Variants in TMC1 observed in about 807,000 individuals in gnomAD.
TMC1 encodes transmembrane channel-like protein 1.
A neutral mutation model predicts 105.8 loss-of-function variants in TMC1; 84 were observed. That is an observed-to-expected ratio of 0.79 (90% CI 0.67 to 0.95). TMC1 has a LOEUF of 0.95. TMC1 is among the 40% of genes least tolerant of loss of function. The probability of loss-of-function intolerance (pLI) is 0.00; values close to 1 mark genes in which losing one functional copy is unlikely to be tolerated. For synonymous variants in TMC1, 315 were observed against 311.5 expected, an observed-to-expected ratio of 1.01 and a Z score of -0.12; for missense variants, 817 against 914.1, an observed-to-expected ratio of 0.89 and a Z score of 1.37.
chr9:72,742,331 C>T (rs941174976), intron 9 of TMC1, 113 bp from the exon 10 acceptor site: 1 of 830,844 alleles, frequency 1.2e-6, no homozygotes, highest in Admixed American at 2.0e-5. Context: ...GTAGTATTTG[C>T]TGCCAGAGAG....
intron 8 of TMC1, among the ~76,000 whole-genome samples, chr9:72,736,880 A>G (rs1293107941): frequency 4.6e-5 from 7 of 152,218 alleles, no homozygotes; most frequent in Non-Finnish European, 1.0e-4. Flanking sequence ...TAGAAATATC[A>G]CTAGTGGCAC....
At chr9:72,694,749 A>T in intron 7 of TMC1, 35 bp downstream of exon 7, 1 of 1,576,090 alleles carries the variant, frequency 6.3e-7, no homozygotes, top group Non-Finnish European at 8.6e-7. Flanking sequence ...AAAAGTTCCA[A>T]TGCTGAAGAA....
intron 10 of TMC1, among the ~76,000 whole-genome samples, chr9:72,750,349 C>T (rs1288170150): frequency 2.0e-5 from 3 of 152,158 alleles, no homozygotes; most frequent in Admixed American, 6.5e-5. Context: ...CTGATGCAGC[C>T]AGGGACTGAA....
intron 10 of TMC1, among the ~76,000 whole-genome samples, chr9:72,744,090 G>C (rs1443833912): frequency 6.6e-6 from 1 of 152,118 alleles, no homozygotes. Context: ...GCTAACCCTC[G>C]GTTCCCTGTC....
At chr9:72,752,792 C>T (rs1827601859) in intron 11 of TMC1, among the ~76,000 whole-genome samples, 1 of 152,086 alleles carries the variant, frequency 6.6e-6, no homozygotes, top group South Asian at 2.1e-4. Context: ...TTTTGGGTGA[C>T]TTTTTATCCC....
chr9:72,711,796 G>C (rs1826842816), intron 8 of TMC1, among the ~76,000 whole-genome samples: 1 of 152,062 alleles, frequency 6.6e-6, no homozygotes. Context: ...GTAAATTTTG[G>C]CTTTTGTTGC....
At chr9:72,579,230 C>G (rs1824436442) in intron 2 of TMC1, among the ~76,000 whole-genome samples, 1 of 152,190 alleles carries the variant, frequency 6.6e-6, no homozygotes. Context: ...CCTTTCTTAT[C>G]TGCAAGCTTC....
rs563541329 is a variant in TMC1 at position 72,806,857 on chromosome 9, G to A, written c.1695+1347G>A. 4.6e-3 allele frequency among the ~76,000 whole-genome samples: 701 copies of A among 152,300 alleles called. 8 individuals are homozygous for A. Among genetic ancestry groups the A allele is most frequent in the Non-Finnish European group, 8.3e-3 (564 of 68,034 alleles). ...CAGAGACGCTCCTCACTTCCCAGAC[G>A]GGGTGGCAGCCGAGCAGAGGCTGCA... On this transcript the variant is annotated intron_variant, in intron 18 of 23. Transcript: ENST00000297784.
chr9:72,611,974 G>C (rs767514993), intron 2 of TMC1, among the ~76,000 whole-genome samples: 2 of 152,078 alleles, frequency 1.3e-5, no homozygotes, highest in Non-Finnish European at 2.9e-5. Context: ...GACCCGGGAG[G>C]CTGACCTATA....
chr9:72,600,185 A>G (rs539429550), intron 2 of TMC1, among the ~76,000 whole-genome samples: 2 of 152,198 alleles, frequency 1.3e-5, no homozygotes, highest in Non-Finnish European at 2.9e-5. Context: ...AATGTGGAGG[A>G]TGAAGTAACA....
chr9:72,567,933 G>A (rs1014863549), intron 1 of TMC1, among the ~76,000 whole-genome samples: 2 of 152,102 alleles, frequency 1.3e-5, no homozygotes, highest in Non-Finnish European at 2.9e-5. Flanking sequence ...CTCCTAGATG[G>A]TGTTTTATTC....
chr9:72,751,879 T>G lies in TMC1; in HGVS notation c.565T>G (p.Phe189Val), dbSNP rs1417706013. 6.2e-7 allele frequency: 1 copy of G among 1,613,080 alleles called. No individual in the cohort carries two copies. The highest frequency in any genetic ancestry group is 1.3e-5 in the African/African-American group (1 of 74,922). Reference sequence around the variant, plus strand: ...GTTTGGCTCCTCAGTGGCCTCATACTTCCTCTTCTTGAGATGGATGTATGG... The same window carrying G: ...GTTTGGCTCCTCAGTGGCCTCATACGTCCTCTTCTTGAGATGGATGTATGG... ...SQFGSSVASY[F>V]LFLRWMYGVN... is the part of the protein sequence containing the mutation. Residue 189 changes from phenylalanine (F) to valine (V), a missense_variant, in exon 11 of 24, where the codon TTC becomes GTC. By Grantham distance (50) the Phe-to-Val change is conservative. Transcript: ENST00000297784.
chr9:72,783,802 G>A (rs550813155), intron 13 of TMC1, among the ~76,000 whole-genome samples: 1 of 151,970 alleles, frequency 6.6e-6, no homozygotes, highest in Non-Finnish European at 1.5e-5. Context: ...GGACTCCCTG[G>A]GTCATACACA....
At chr9:72,553,579 C>G (rs897359315) in intron 1 of TMC1, among the ~76,000 whole-genome samples, 2 of 152,084 alleles carry the variant, frequency 1.3e-5, no homozygotes, top group Non-Finnish European at 2.9e-5. Context: ...TAGTAGTATG[C>G]TCATATTTTA....
chr9:72,563,899 CAAAAA>C (rs71357586), intron 1 of TMC1, among the ~76,000 whole-genome samples: 5 of 52,174 alleles, frequency 9.6e-5, no homozygotes, highest in African/African-American at 4.0e-4. Context: ...AACTCTGGCT[CAAAAA>C]AAAAAAAAAA....
At chr9:72,555,973 C>CAAAAAAAAAAAAAAAA (rs59431883) in intron 1 of TMC1, among the ~76,000 whole-genome samples, 4 of 42,566 alleles carry the variant, frequency 9.4e-5, no homozygotes, top group African/African-American at 1.9e-4. Flanking sequence ...ATGACTAAGG[C>CAAAAAAAAAAAAAAAA]AAAAAAAAAA....
In TMC1 at chr9:72,734,086, A is replaced by T. The variant is rs114581658; in HGVS notation, c.363-6033A>T. ...CAGACTGTGTGGATTTGCTGAACAA[A>T]GGGAAGATTCACTTCCCAGGCTGGA... On this transcript the variant is annotated intron_variant, in intron 8 of 23. Transcript: ENST00000297784. Among the ~76,000 whole-genome samples, 721 of 152,324 alleles carry T rather than the reference A, an allele frequency of 4.7e-3. 5 individuals carry two copies. Among genetic ancestry groups the T allele is most frequent in the African/African-American group, 0.017 (686 of 41,568 alleles).
At chr9:72,667,080 AAAAC>A (rs942137049) in intron 5 of TMC1, among the ~76,000 whole-genome samples, 4 of 152,232 alleles carry the variant, frequency 2.6e-5, no homozygotes, top group African/African-American at 7.2e-5. Context: ...ACCCTGTCTC[AAAAC>A]AAACAAACAA....
chr9:72,588,784 T>C (rs1299473952), intron 2 of TMC1, among the ~76,000 whole-genome samples: 2 of 151,774 alleles, frequency 1.3e-5, no homozygotes, highest in African/African-American at 4.8e-5. Flanking sequence ...GATTTTTTTT[T>C]TTTTTTTTGA....
Sources: gnomAD v4.1 joint callset for allele counts (sites outside exome capture counted in the v4.1 genomes callset) on GRCh38, gnomAD v4.1.1 for gene constraint, MANE v1.5 for transcripts, NCBI Gene and HGNC (gene_info 2026-07-23, HGNC 2026-07-21) for gene names.